FRMD4A: variants seen among roughly 807,000 people sequenced by gnomAD.
The protein encoded by FRMD4A is FERM domain-containing protein 4A.
A neutral mutation model predicts 129.1 loss-of-function variants in FRMD4A; 29 were observed. The observed-to-expected ratio is 0.22, with a 90% confidence interval of 0.17 to 0.31. The LOEUF is 0.31. FRMD4A is among the 10% of genes least tolerant of loss of function. The pLI, the probability that FRMD4A is intolerant of heterozygous loss-of-function variation, is 1.00. For synonymous variants in FRMD4A, 634 were observed against 571.6 expected, an observed-to-expected ratio of 1.11 and a Z score of -1.56; for missense variants, 1,272 against 1,375.8, an observed-to-expected ratio of 0.92 and a Z score of 1.19.
chr10:13,950,188 T>G (rs1360977405), intron 2 of FRMD4A, among the ~76,000 whole-genome samples: 1 of 152,242 alleles, frequency 6.6e-6, no homozygotes, highest in East Asian at 1.9e-4. Context: ...GATGAGTGGC[T>G]TTAGGGGATG....
chr10:14,101,491 T>G (rs1837299609), intron 2 of FRMD4A, among the ~76,000 whole-genome samples: 1 of 152,184 alleles, frequency 6.6e-6, no homozygotes, highest in Non-Finnish European at 1.5e-5. Context: ...CTATTCCAAT[T>G]TAGGTGTGAA....
intron 6 of FRMD4A, among the ~76,000 whole-genome samples, chr10:13,778,638 G>C (rs2092661989): frequency 7.0e-6 from 1 of 143,318 alleles, no homozygotes; most frequent in South Asian, 2.6e-4. Flanking sequence ...TGTGTGTTAA[G>C]GTTTAATGGG....
intron 2 of FRMD4A, among the ~76,000 whole-genome samples, chr10:14,284,474 C>T (rs1845620034): frequency 1.3e-5 from 2 of 152,094 alleles, no homozygotes; most frequent in Non-Finnish European, 2.9e-5. Flanking sequence ...CGGTGAAACC[C>T]CGTATCTACT....
chr10:13,804,014 T>C (rs2093312613), intron 4 of FRMD4A, among the ~76,000 whole-genome samples: 2 of 152,350 alleles, frequency 1.3e-5, no homozygotes, highest in Non-Finnish European at 2.9e-5. Context: ...TTTTTGTTTA[T>C]CTTAGCTGCA....
At chr10:14,150,640 C>T (rs1444995985) in intron 2 of FRMD4A, among the ~76,000 whole-genome samples, 1 of 152,036 alleles carries the variant, frequency 6.6e-6, no homozygotes, top group Non-Finnish European at 1.5e-5. Context: ...GAGGCTCTGC[C>T]AGTGATTTAT....
rs74599686 is a variant in FRMD4A at position 13,885,979 on chromosome 10, G to A, written c.46-27067C>T. 2.2e-3 allele frequency among the ~76,000 whole-genome samples: 330 copies of A among 152,296 alleles called. 3 individuals carry two copies. In the East Asian group the frequency reaches 0.059, roughly 27 times the overall value. ...TACTTAGCAGGGCTGGCCAGTGGGA[G>A]TCGGGAGATGGGCAAGCCAGCGCTA... On this transcript the variant is annotated intron_variant, in intron 2 of 24. Transcript: ENST00000357447.
At chr10:14,238,010 C>T (rs1843890485) in intron 2 of FRMD4A, among the ~76,000 whole-genome samples, 1 of 152,228 alleles carries the variant, frequency 6.6e-6, no homozygotes, top group African/African-American at 2.4e-5. Flanking sequence ...CTCCCACCTG[C>T]CTCTCTGCTC....
At chr10:13,898,085 A>T (rs2094778807) in intron 2 of FRMD4A, among the ~76,000 whole-genome samples, 1 of 150,938 alleles carries the variant, frequency 6.6e-6, no homozygotes, top group Non-Finnish European at 1.5e-5. Flanking sequence ...TAGATTGATG[A>T]CAAGAGGCTG....
At position 13,714,018 on chromosome 10, in the gene FRMD4A, TAA is replaced by T. The variant is rs373041766; in HGVS notation, c.760-6907_760-6906del. Among the ~76,000 whole-genome samples, 78 of 10,158 alleles carry T rather than the reference TAA, an allele frequency of 7.7e-3. 18 individuals are homozygous for T. The highest frequency in any genetic ancestry group is 0.039 in the African/African-American group (52 of 1,330). The allele number at this position is 10,158 out of a possible 152,430, so 6.7% of individuals were successfully genotyped here. A position where few individuals can be genotyped will look rare whatever the true frequency, so the allele number is the denominator to read the frequency against. ...AATATACATATATAATATACATATATAAAATATACATATATATATATATATAT... is the reference window on the plus strand; with the variant it reads ...AATATACATATATAATATACATATATAATATACATATATATATATATATAT... On this transcript the variant is annotated intron_variant, in intron 12 of 24. Coordinates refer to ENST00000357447, the MANE Select transcript of FRMD4A (RefSeq NM_018027.5).
At chr10:13,679,800 C>G (rs1417562030) in intron 15 of FRMD4A, among the ~76,000 whole-genome samples, 1 of 152,124 alleles carries the variant, frequency 6.6e-6, no homozygotes, top group Non-Finnish European at 1.5e-5. Flanking sequence ...TGATCTGAGC[C>G]TGCGGGCTGC....
chr10:14,106,564 C>T (rs1837597911), intron 2 of FRMD4A, among the ~76,000 whole-genome samples: 6 of 152,192 alleles, frequency 3.9e-5, no homozygotes, highest in Admixed American at 3.3e-4. Context: ...TAGAGTTTTA[C>T]ACAATCTCAT....
At chr10:13,679,585 G>T (rs192038487) in intron 15 of FRMD4A, among the ~76,000 whole-genome samples, 1 of 150,082 alleles carries the variant, frequency 6.7e-6, no homozygotes, top group African/African-American at 2.5e-5. Flanking sequence ...TTGGAGGTGG[G>T]GTCAAGGAGG....
At chr10:13,750,093 AAAGAAAGAAAGAAATG>A (rs1413234705) in intron 8 of FRMD4A, among the ~76,000 whole-genome samples, 59 of 80,564 alleles carry the variant, frequency 7.3e-4, no homozygotes, top group South Asian at 4.7e-3. Context: ...AGAAAGAAAG[AAAGAAAGAAAGAAATG>A]AAGAAAGAAA....
rs751513321 is a variant in FRMD4A, at chr10:13,796,457, A to G, written c.299+39T>C. ...CCCTCCCAGACTTCCCTGATAAAGA[A>G]CACAAAGAAGCAAAAGTATAGACAC... On this transcript the variant is annotated intron_variant, in intron 5 of 24. Transcript: ENST00000357447. The G allele has an allele frequency of 9.1e-6, 9 of 991,144 alleles. No individual in the cohort carries two copies. The South Asian group carries it at 1.2e-4, about 13-fold the overall frequency. The allele number at this position is 991,144 out of a possible 1,614,324, so 61.4% of individuals were successfully genotyped here. A position where few individuals can be genotyped will look rare whatever the true frequency, so the allele number is the denominator to read the frequency against.
intron 2 of FRMD4A, among the ~76,000 whole-genome samples, chr10:13,963,397 G>A (rs149160172): frequency 1.3e-5 from 2 of 150,244 alleles, no homozygotes; most frequent in African/African-American, 4.9e-5. Flanking sequence ...TTGCCATAAC[G>A]AAATGATGAA....
At chr10:13,984,137 C>G (rs1048724558) in intron 2 of FRMD4A, among the ~76,000 whole-genome samples, 3 of 152,152 alleles carry the variant, frequency 2.0e-5, no homozygotes, top group African/African-American at 7.2e-5. Context: ...GGGGTGCTTT[C>G]TGCAGGGGGC....
chr10:13,687,371 G>A (rs2085188439), intron 15 of FRMD4A, among the ~76,000 whole-genome samples: 1 of 152,152 alleles, frequency 6.6e-6, no homozygotes, highest in Admixed American at 6.5e-5. Flanking sequence ...ACAAATCTCA[G>A]GCTCTGTCTC....
At chr10:14,120,047 G>T (rs1838414510) in intron 2 of FRMD4A, among the ~76,000 whole-genome samples, 1 of 147,118 alleles carries the variant, frequency 6.8e-6, no homozygotes. Flanking sequence ...TGACAGGTAA[G>T]TGTGTGGACA....
chr10:13,911,390 C>T (rs1006049996), intron 2 of FRMD4A, among the ~76,000 whole-genome samples: 65 of 152,240 alleles, frequency 4.3e-4, no homozygotes, highest in African/African-American at 1.5e-3. Flanking sequence ...TAGAAAACAG[C>T]CTCCATTATC....
Sources: allele counts gnomAD v4.1 joint callset (sites outside exome capture counted in the v4.1 genomes callset), GRCh38; gene constraint gnomAD v4.1.1; transcripts MANE v1.5; gene names NCBI Gene and HGNC (gene_info 2026-07-23, HGNC 2026-07-21).